Variants in ADGRB3 observed in about 807,000 individuals in gnomAD.
ADGRB3 encodes the protein adhesion G protein-coupled receptor B3.
In ADGRB3, 37 loss-of-function variants were observed where a neutral mutation model predicts 193.4. The ratio of observed to expected loss-of-function variants is 0.19; its 90% CI spans 0.15 to 0.25. The LOEUF is 0.25. Ranked by LOEUF, ADGRB3 falls within the 10% of genes least tolerant of loss-of-function variation. ADGRB3 has a pLI of 1.00. For missense variants in ADGRB3, 1,637 were observed against 1,852.9 expected, an observed-to-expected ratio of 0.88 and a Z score of 2.14; for synonymous variants, 690 against 644.2, an observed-to-expected ratio of 1.07 and a Z score of -1.08.
intron 3 of ADGRB3, among the ~76,000 whole-genome samples, chr6:68,854,536 A>AT (rs1764911648): frequency 4.7e-5 from 7 of 149,024 alleles, no homozygotes; most frequent in Non-Finnish European, 1.0e-4. Flanking sequence ...AAATCTAAAA[A>AT]ATTTTTTTTT....
chr6:68,670,233 C>A (rs1768911483), intron 3 of ADGRB3, among the ~76,000 whole-genome samples: 1 of 151,790 alleles, frequency 6.6e-6, no homozygotes, highest in African/African-American at 2.4e-5. Flanking sequence ...CTCTTTACTT[C>A]ATTGATTGTA....
chr6:68,960,306 G>T (rs769272855), intron 8 of ADGRB3, among the ~76,000 whole-genome samples: 2 of 152,208 alleles, frequency 1.3e-5, no homozygotes. Flanking sequence ...CACTTGTGAA[G>T]TAAGTCAGCC....
intron 3 of ADGRB3, among the ~76,000 whole-genome samples, chr6:68,866,426 G>A (rs538685513): frequency 6.6e-6 from 1 of 152,292 alleles, no homozygotes; most frequent in Admixed American, 6.5e-5. Context: ...GCAGAACTTA[G>A]CACTTTTTCT....
rs149118485 is a variant in ADGRB3 at position 68,974,173 on chromosome 6, A to AT, written c.1526-585dup. 6.1e-3 allele frequency among the ~76,000 whole-genome samples: 931 copies of AT among 152,200 alleles called. 7 individuals carry two copies. Among genetic ancestry groups the AT allele is most frequent in the African/African-American group, 0.021 (892 of 41,524 alleles). Reference sequence around the variant, plus strand: ...TATAACATCCTAAAATATTATAAATATTTTTATTGATATGCCTGAATATGT... The same window carrying AT: ...TATAACATCCTAAAATATTATAAATATTTTTTATTGATATGCCTGAATATGT... On this transcript the variant is annotated intron_variant, in intron 8 of 31. Transcript: ENST00000370598.
At chr6:69,333,299 G>A (rs927465772) in intron 24 of ADGRB3, among the ~76,000 whole-genome samples, 3 of 152,144 alleles carry the variant, frequency 2.0e-5, no homozygotes, top group Admixed American at 6.6e-5. Context: ...AATAGTTGTC[G>A]TTAGGTAAGG....
At chr6:69,320,169 A>G (rs1027031963) in intron 20 of ADGRB3, among the ~76,000 whole-genome samples, 2 of 151,572 alleles carry the variant, frequency 1.3e-5, no homozygotes, top group South Asian at 4.1e-4. Flanking sequence ...CTTAAAAAAG[A>G]GGTTTAGAAT....
rs549251576 is a variant in ADGRB3 at position 68,974,113 on chromosome 6, A to G, written c.1526-650A>G. Among the ~76,000 whole-genome samples, 6 of 152,254 alleles carry G rather than the reference A, an allele frequency of 3.9e-5. No individual in the cohort carries two copies. In the South Asian group the frequency reaches 1.0e-3, roughly 26 times the overall value. On this transcript the variant is annotated intron_variant, in intron 8 of 31. Coordinates refer to ENST00000370598, the MANE Select transcript of ADGRB3 (RefSeq NM_001704.3). ...TAACATTTAATAGTTAATAATTTTA[A>G]TGTGCCTTTTTGTTTGTTGGAAGTC...
At chr6:69,108,339 T>C (rs893704171) in intron 17 of ADGRB3, among the ~76,000 whole-genome samples, 6 of 151,980 alleles carry the variant, frequency 3.9e-5, no homozygotes, top group African/African-American at 1.2e-4. Flanking sequence ...TCAAATAAAC[T>C]TGAATTTTAA....
At chr6:69,154,626 C>T (rs539385035) in intron 17 of ADGRB3, among the ~76,000 whole-genome samples, 43 of 152,148 alleles carry the variant, frequency 2.8e-4, no homozygotes, top group Non-Finnish European at 5.4e-4. Context: ...CCCAGAGCAC[C>T]CTTTACCTCC....
chr6:68,723,146 C>T (rs1167055607), intron 3 of ADGRB3, among the ~76,000 whole-genome samples: 1 of 151,738 alleles, frequency 6.6e-6, no homozygotes, highest in East Asian at 1.9e-4. Context: ...TTTAGCTTTT[C>T]ATGTAATTTA....
At chr6:69,186,426 T>C (rs1765069628) in intron 17 of ADGRB3, among the ~76,000 whole-genome samples, 1 of 152,090 alleles carries the variant, frequency 6.6e-6, no homozygotes, top group Admixed American at 6.6e-5. Flanking sequence ...TGCTTATTTC[T>C]GTAAAGCCTT....
chr6:69,246,167 T>A (rs183409143), intron 20 of ADGRB3, among the ~76,000 whole-genome samples: 1 of 152,300 alleles, frequency 6.6e-6, no homozygotes, highest in East Asian at 1.9e-4. Context: ...AATATAATGT[T>A]CATAGCCTTA....
At chr6:69,123,699 G>A (rs535101803) in intron 17 of ADGRB3, among the ~76,000 whole-genome samples, 13 of 152,282 alleles carry the variant, frequency 8.5e-5, no homozygotes, top group African/African-American at 2.2e-4. Context: ...TAGACTTCAT[G>A]GGAGTAGGGG....
chr6:68,801,212 C>T (rs1452705395), intron 3 of ADGRB3, among the ~76,000 whole-genome samples: 1 of 152,164 alleles, frequency 6.6e-6, no homozygotes, highest in Non-Finnish European at 1.5e-5. Context: ...TTCCTTGAAT[C>T]TTCTGTTCTT....
chr6:69,284,289 C>T (rs909651117), intron 20 of ADGRB3, among the ~76,000 whole-genome samples: 2 of 152,136 alleles, frequency 1.3e-5, no homozygotes, highest in African/African-American at 4.8e-5. Flanking sequence ...ACACTTTGCA[C>T]ATAGTCATCG....
intron 20 of ADGRB3, among the ~76,000 whole-genome samples, chr6:69,304,464 A>G (rs1439882589): frequency 6.6e-6 from 1 of 151,632 alleles, no homozygotes; most frequent in Non-Finnish European, 1.5e-5. Context: ...ATATAGTAAA[A>G]TTAGAATCCT....
At chr6:68,989,387 C>T (rs1183093465) in intron 10 of ADGRB3, among the ~76,000 whole-genome samples, 1 of 151,882 alleles carries the variant, frequency 6.6e-6, no homozygotes, top group Non-Finnish European at 1.5e-5. Context: ...GAATAAATAG[C>T]CAATTAGATT....
intron 24 of ADGRB3, among the ~76,000 whole-genome samples, chr6:69,335,250 G>A (rs1768821842): frequency 6.6e-6 from 1 of 152,040 alleles, no homozygotes; most frequent in Admixed American, 6.6e-5. Flanking sequence ...GATCGTATAG[G>A]TTTAGAAGAA....
At chr6:68,639,834 G>A (rs1307691702) in intron 3 of ADGRB3, among the ~76,000 whole-genome samples, 1 of 152,044 alleles carries the variant, frequency 6.6e-6, no homozygotes, top group South Asian at 2.1e-4. Flanking sequence ...CCAGCAAAAC[G>A]TCCACTTTAC....
Sources: allele counts gnomAD v4.1 joint callset (sites outside exome capture counted in the v4.1 genomes callset), GRCh38; gene constraint gnomAD v4.1.1; transcripts MANE v1.5; gene names NCBI Gene and HGNC (gene_info 2026-07-23, HGNC 2026-07-21).